SPATA16: variants seen among roughly 807,000 people sequenced by gnomAD.
SPATA16 encodes the protein spermatogenesis-associated protein 16.
SPATA16 carries 36 observed loss-of-function variants against 63.3 expected under a neutral mutation model. That is an observed-to-expected ratio of 0.57 (90% CI 0.44 to 0.75). The LOEUF (loss-of-function observed/expected upper bound fraction) is 0.75. SPATA16 is among the 30% of genes least tolerant of loss of function. The probability of loss-of-function intolerance (pLI) is 0.00; values close to 1 mark genes in which losing one functional copy is unlikely to be tolerated. For missense variants in SPATA16, 646 were observed against 679.3 expected (o/e 0.95, Z 0.54); for synonymous variants, 203 against 216.7 (o/e 0.94, Z 0.56).
intron 3 of SPATA16, among the ~76,000 whole-genome samples, chr3:173,048,148 G>T (rs1451541230): frequency 6.6e-6 from 1 of 152,070 alleles, no homozygotes; most frequent in Non-Finnish European, 1.5e-5. Flanking sequence ...CCCAAAAGAA[G>T]TACAGGATGT....
intron 2 of SPATA16, among the ~76,000 whole-genome samples, chr3:173,100,705 C>CAGAG (rs1287339545): frequency 4.4e-5 from 6 of 137,606 alleles, no homozygotes; most frequent in African/African-American, 1.7e-4. Context: ...CACACACACA[C>CAGAG]ACAGAGTAAA....
intron 4 of SPATA16, among the ~76,000 whole-genome samples, chr3:173,008,861 A>G (rs1484425698): frequency 6.6e-6 from 1 of 152,202 alleles, no homozygotes; most frequent in Non-Finnish European, 1.5e-5. Context: ...TAAAATTAAA[A>G]AAATTGCTAA....
At chr3:172,945,703 C>A (rs1244205693) in intron 6 of SPATA16, among the ~76,000 whole-genome samples, 1 of 152,170 alleles carries the variant, frequency 6.6e-6, no homozygotes, top group Non-Finnish European at 1.5e-5. Flanking sequence ...TCAGCCCTAG[C>A]CAGGGAAGAA....
chr3:172,944,157 C>T (rs1159742255), intron 6 of SPATA16, among the ~76,000 whole-genome samples: 2 of 151,994 alleles, frequency 1.3e-5, no homozygotes, highest in African/African-American at 2.4e-5. Flanking sequence ...CCCTACAATT[C>T]GAAAACAGCA....
chr3:173,008,142 AGACAG>A (rs1401641480), intron 4 of SPATA16, among the ~76,000 whole-genome samples: 1 of 152,176 alleles, frequency 6.6e-6, no homozygotes, highest in African/African-American at 2.4e-5. Flanking sequence ...TACAACTAGA[AGACAG>A]GCTTTGATCC....
intron 3 of SPATA16, among the ~76,000 whole-genome samples, chr3:173,032,111 A>G (rs1164644884): frequency 6.6e-6 from 1 of 152,122 alleles, no homozygotes; most frequent in African/African-American, 2.4e-5. Flanking sequence ...CTCAGCATGT[A>G]TGTGGCACAG....
At chr3:172,924,081 A>G (rs2109576292) in intron 8 of SPATA16, 127 bp downstream of exon 8, 3 of 753,118 alleles carry the variant, frequency 4.0e-6, no homozygotes, top group East Asian at 5.5e-5. Flanking sequence ...GTTTTTGCAA[A>G]TGAGATTTAC....
chr3:173,097,610 T>C (rs1340117671), intron 2 of SPATA16, among the ~76,000 whole-genome samples: 1 of 152,198 alleles, frequency 6.6e-6, no homozygotes, highest in Non-Finnish European at 1.5e-5. Context: ...GGCAACATGT[T>C]GCGTCAGCAA....
intron 9 of SPATA16, among the ~76,000 whole-genome samples, chr3:172,915,455 A>G (rs1333338447): frequency 6.6e-6 from 1 of 152,252 alleles, no homozygotes; most frequent in South Asian, 2.1e-4. Flanking sequence ...GGCTGTTCTC[A>G]TCATTACTAT....
intron 2 of SPATA16, among the ~76,000 whole-genome samples, chr3:173,063,521 G>T (rs962924865): frequency 2.6e-4 from 40 of 152,198 alleles, no homozygotes; most frequent in African/African-American, 9.2e-4. Flanking sequence ...AGCCTGGTCA[G>T]CCAACGTCTA....
chr3:172,916,565 AAC>A (rs147983488), intron 8 of SPATA16, 84 bp from the exon 9 acceptor site: 30,074 of 1,403,250 alleles, frequency 0.021, 392 homozygotes, highest in Middle Eastern at 0.045. Flanking sequence ...GGCTTGTGAT[AAC>A]GTATTTACAT....
chr3:173,092,160 A>G (rs1737241242), intron 2 of SPATA16, among the ~76,000 whole-genome samples: 2 of 152,152 alleles, frequency 1.3e-5, no homozygotes, highest in Non-Finnish European at 1.5e-5. Context: ...GCCATCAGCA[A>G]TAATATTCTT....
intron 4 of SPATA16, among the ~76,000 whole-genome samples, chr3:173,018,420 A>G (rs1735245057): frequency 6.6e-6 from 1 of 151,928 alleles, no homozygotes; most frequent in Non-Finnish European, 1.5e-5. Context: ...GATTACAGGC[A>G]TGTACCACCA....
At chr3:173,021,934 G>A (rs1182672249) in intron 3 of SPATA16, among the ~76,000 whole-genome samples, 3 of 151,992 alleles carry the variant, frequency 2.0e-5, no homozygotes, top group Non-Finnish European at 4.4e-5. Flanking sequence ...GCTTTGCCGA[G>A]CTATTCTCCA....
chr3:173,102,848 G>A (rs925300160), intron 2 of SPATA16, among the ~76,000 whole-genome samples: 1 of 152,052 alleles, frequency 6.6e-6, no homozygotes, highest in Non-Finnish European at 1.5e-5. Context: ...CAAGTCAAAA[G>A]TCAAAAATCT....
intron 4 of SPATA16, among the ~76,000 whole-genome samples, chr3:173,015,628 G>T (rs1735164881): frequency 6.6e-6 from 1 of 152,052 alleles, no homozygotes; most frequent in South Asian, 2.1e-4. Flanking sequence ...TAGCTGAATG[G>T]TTATCAACCA....
intron 2 of SPATA16, among the ~76,000 whole-genome samples, chr3:173,110,294 C>T (rs2861071): frequency 0.36 from 55,471 of 152,054 alleles, 11,860 homozygotes; most frequent in African/African-American, 0.6. Context: ...TATATTTGTG[C>T]GAGAGGCAGT....
intron 4 of SPATA16, among the ~76,000 whole-genome samples, chr3:172,978,298 G>T (rs1038790808): frequency 5.3e-5 from 8 of 152,152 alleles, no homozygotes; most frequent in Admixed American, 5.2e-4. Flanking sequence ...AAGGTAAAGA[G>T]AGGTAGGAGG....
intron 5 of SPATA16, among the ~76,000 whole-genome samples, chr3:172,974,525 A>G (rs1359357628): frequency 6.6e-6 from 1 of 151,806 alleles, no homozygotes; most frequent in East Asian, 1.9e-4. Context: ...GGACAGAACA[A>G]GGTTTAGGGA....
Sources: gnomAD v4.1 joint callset for allele counts (sites outside exome capture counted in the v4.1 genomes callset) on GRCh38, gnomAD v4.1.1 for gene constraint, MANE v1.5 for transcripts, NCBI Gene and HGNC (gene_info 2026-07-23, HGNC 2026-07-21) for gene names.